Variants in NR3C1 observed in about 807,000 individuals in gnomAD.
NR3C1 encodes nuclear receptor subfamily 3 group C member 1, also known as glucocorticoid receptor.
In NR3C1, 14 loss-of-function variants were observed where a neutral mutation model predicts 74.0. The observed-to-expected ratio is 0.19, with a 90% CI of 0.12 to 0.30. The LOEUF (loss-of-function observed/expected upper bound fraction) is 0.30. NR3C1 is among the 10% of genes least tolerant of loss of function. The pLI, the probability that NR3C1 is intolerant of heterozygous loss-of-function variation, is 1.00. For synonymous variants in NR3C1, 308 were observed against 332.5 expected (o/e 0.93, Z 0.80); for missense variants, 695 against 909.8 (o/e 0.76, Z 3.04).
chr5:143,294,989 C>CA lies in NR3C1; in HGVS notation c.2023+470_2023+471insT, dbSNP rs762323106. 3.0e-5 allele frequency: 30 copies of CA among 985,420 alleles called. No homozygotes were observed. The East Asian group carries it at 2.9e-3, about 97-fold the overall frequency. The allele number at this position is 985,420 out of a possible 1,614,324, so 61.0% of individuals were successfully genotyped here. ...AGATAATGAATCTCTGACAATCCAG[C>CA]TCCCATGCTATGTTAACCAATCCCC... On this transcript the variant is annotated intron_variant, in intron 7 of 8. Coordinates refer to ENST00000394464, the MANE Select transcript of NR3C1 (RefSeq NM_000176.3).
intron 1 of NR3C1, among the ~76,000 whole-genome samples, chr5:143,418,715 CAGTT>C (rs1751053108): frequency 6.6e-6 from 1 of 152,124 alleles, no homozygotes; most frequent in Non-Finnish European, 1.5e-5. Context: ...AAAGGGTAAA[CAGTT>C]GGTGCTGGGT....
At chr5:143,307,544 G>A (rs1205071447) in intron 4 of NR3C1, among the ~76,000 whole-genome samples, 1 of 152,076 alleles carries the variant, frequency 6.6e-6, no homozygotes, top group East Asian at 1.9e-4. Flanking sequence ...TATGTATTCA[G>A]AAAAGCACCT....
chr5:143,413,830 C>G (rs182759619), intron 1 of NR3C1, among the ~76,000 whole-genome samples: 4 of 152,004 alleles, frequency 2.6e-5, no homozygotes, highest in Admixed American at 2.6e-4. Flanking sequence ...GAATGGGGTA[C>G]AAATGAAAGA....
chr5:143,393,014 T>C (rs1422569152), intron 2 of NR3C1, among the ~76,000 whole-genome samples: 2 of 152,238 alleles, frequency 1.3e-5, no homozygotes, highest in Admixed American at 6.5e-5. Context: ...CAATTTCTCA[T>C]TCGAAAAAAT....
rs139196136 is a variant in NR3C1, at chr5:143,420,981, A to AT, written c.-14+13550dup. ...ATAATGGAAATTATTTTATTTTATCATTTTTCTCCTATATGTATAATTCAG... is the reference window on the plus strand; with the variant it reads ...ATAATGGAAATTATTTTATTTTATCATTTTTTCTCCTATATGTATAATTCAG... On this transcript the variant is annotated intron_variant, in intron 1 of 8. Coordinates refer to the NR3C1 transcript ENST00000343796. Among the ~76,000 whole-genome samples the AT allele has an allele frequency of 6.6e-3, 1,000 of 152,274 alleles. 8 individuals are homozygous for AT. The highest frequency in any genetic ancestry group is 0.023 in the African/African-American group (952 of 41,560).
chr5:143,391,997 G>T (rs913402641), intron 2 of NR3C1, among the ~76,000 whole-genome samples: 1 of 150,174 alleles, frequency 6.7e-6, no homozygotes, highest in Non-Finnish European at 1.5e-5. Flanking sequence ...ACGGAGACTC[G>T]CTCTGTCGCC....
intron 7 of NR3C1, among the ~76,000 whole-genome samples, chr5:143,285,861 AAAGAG>A (rs1237930063): frequency 7.2e-5 from 11 of 152,026 alleles, no homozygotes; most frequent in Admixed American, 2.0e-4. Context: ...TGGAAAGGAT[AAAGAG>A]TAGAAACGAA....
At chr5:143,370,060 C>A (rs1427456008) in intron 2 of NR3C1, among the ~76,000 whole-genome samples, 1 of 152,204 alleles carries the variant, frequency 6.6e-6, no homozygotes, top group African/African-American at 2.4e-5. Flanking sequence ...AAATTGGAAT[C>A]TGGCTCTTTC....
chr5:143,332,984 T>A, intron 2 of NR3C1: 1 of 1,588,702 alleles, frequency 6.3e-7, no homozygotes, highest in Non-Finnish European at 8.5e-7. Flanking sequence ...AGGTCAAGAA[T>A]AAGACCATCC....
At chr5:143,404,544 C>G (rs1423014204), upstream of NR3C1, 12 of 956,564 alleles carry the variant, frequency 1.3e-5, no homozygotes, top group Non-Finnish European at 1.5e-5. Flanking sequence ...CCCGAGTCTG[C>G]GAGGCGGCGG....
intron 4 of NR3C1, among the ~76,000 whole-genome samples, chr5:143,307,401 G>A (rs1819869200): frequency 6.6e-6 from 1 of 152,158 alleles, no homozygotes; most frequent in South Asian, 2.1e-4. Context: ...TCGTAGCCTA[G>A]TCCATCAAAA....
At chr5:143,424,992 TA>T (rs1412170951) in intron 1 of NR3C1, among the ~76,000 whole-genome samples, 3 of 152,152 alleles carry the variant, frequency 2.0e-5, no homozygotes, top group African/African-American at 7.2e-5. Context: ...TACTACTACT[TA>T]CATACTACAA....
chr5:143,300,368 C>A lies in NR3C1; in HGVS notation c.1747+117G>T. 2.3e-6 allele frequency: 3 copies of A among 1,281,514 alleles called. No homozygotes were observed. Among genetic ancestry groups the A allele is most frequent in the Admixed American group, 3.4e-5 (2 of 59,222 alleles). The allele number at this position is 1,281,514 out of a possible 1,614,324, so 79.4% of individuals were successfully genotyped here. On this transcript the variant is annotated intron_variant, in intron 5 of 8. Coordinates refer to ENST00000394464, the MANE Select transcript of NR3C1 (RefSeq NM_000176.3). This position sits in a 1 kb window ranked among gnomAD's most constrained non-coding sequence, Gnocchi z 5.2. Reference sequence around the variant, plus strand: ...CACCTGACTCTCCCCTTCATAGTCCCCAGAACTAAGAGAAACAAGATAAGC... The same window carrying A: ...CACCTGACTCTCCCCTTCATAGTCCACAGAACTAAGAGAAACAAGATAAGC...
chr5:143,358,215 A>C (rs10482636), intron 2 of NR3C1, among the ~76,000 whole-genome samples: 2,080 of 152,266 alleles, frequency 0.014, 159 homozygotes, highest in Admixed American at 0.12. Flanking sequence ...TCCCCACCTA[A>C]GATGTTTTTT....
At chr5:143,356,688 C>CA (rs34911720) in intron 2 of NR3C1, among the ~76,000 whole-genome samples, 77,970 of 146,694 alleles carry the variant, frequency 0.53, 20,872 homozygotes, top group East Asian at 0.75. Context: ...TTGTATTTCT[C>CA]AAAAAAAAAA....
chr5:143,417,073 C>T (rs1750943672), intron 1 of NR3C1, among the ~76,000 whole-genome samples: 1 of 152,194 alleles, frequency 6.6e-6, no homozygotes, highest in African/African-American at 2.4e-5. Context: ...TAAATTATTA[C>T]TCTACTTTCC....
chr5:143,298,556 C>T, intron 6 of NR3C1, 112 bp downstream of exon 6: 2 of 1,186,366 alleles, frequency 1.7e-6, no homozygotes, highest in Non-Finnish European at 2.5e-6. Context: ...ATCCTAGATA[C>T]CTAGTAGGAT....
intron 2 of NR3C1, among the ~76,000 whole-genome samples, chr5:143,315,115 C>A (rs976745691): frequency 6.6e-6 from 1 of 152,162 alleles, no homozygotes; most frequent in African/African-American, 2.4e-5. Flanking sequence ...ATACTTTTCA[C>A]CAATATTCAC....
At chr5:143,282,994 C>T (rs1813466994) in intron 7 of NR3C1, among the ~76,000 whole-genome samples, 1 of 151,918 alleles carries the variant, frequency 6.6e-6, no homozygotes, top group African/African-American at 2.4e-5. Flanking sequence ...TCAAGTGATC[C>T]TCCCACCTCA....
Sources: allele counts gnomAD v4.1 joint callset (sites outside exome capture counted in the v4.1 genomes callset), GRCh38; gene constraint gnomAD v4.1.1; non-coding constraint Gnocchi (gnomAD v3.1); transcripts MANE v1.5; gene names NCBI Gene and HGNC (gene_info 2026-07-23, HGNC 2026-07-21).